Variants in NFIC observed in about 807,000 individuals in gnomAD.
NFIC encodes the protein nuclear factor 1 C-type.
In NFIC, 12 loss-of-function variants were observed where a neutral mutation model predicts 54.4. The observed-to-expected ratio is 0.22, with a 90% CI of 0.14 to 0.36. The LOEUF is 0.36. Among genes scored for constraint, NFIC ranks in the 10% least tolerant of loss-of-function variants. NFIC has a pLI of 1.00. For synonymous variants in NFIC, 322 were observed against 319.2 expected, an observed-to-expected ratio of 1.01 and a Z score of -0.09; for missense variants, 575 against 718.2, an observed-to-expected ratio of 0.80 and a Z score of 2.28.
rs1460756871 is a variant in NFIC at position 3,448,078 on chromosome 19, GT to G, written c.959-930del. On this transcript the variant is annotated intron_variant, in intron 6 of 10. Transcript: ENST00000443272. ...AGCCCCTGCACCCGACTATCCATCT[GT>G]TTTTTGTGTTTGTGATGGAGTCTTG... Among the ~76,000 whole-genome samples the G allele has an allele frequency of 8.7e-5, 13 of 148,732 alleles. No homozygotes were observed. The Admixed American group carries it at 8.7e-4, about 10-fold the overall frequency.
chr19:3,393,975 C>T (rs532574003), intron 2 of NFIC, among the ~76,000 whole-genome samples: 2 of 151,032 alleles, frequency 1.3e-5, no homozygotes, highest in African/African-American at 4.9e-5. Flanking sequence ...CAGAGTCTCG[C>T]TCTGTCGCCC....
chr19:3,401,799 A>G (rs1278032230), intron 2 of NFIC, among the ~76,000 whole-genome samples: 17 of 149,898 alleles, frequency 1.1e-4, no homozygotes, highest in African/African-American at 3.5e-4. Flanking sequence ...TCAGCTCACT[A>G]CAACCTCTGC....
In NFIC at chr19:3,452,101, C is replaced by CAAA. The variant is rs777727186; in HGVS notation, c.1085-361_1085-359dup. On this transcript the variant is annotated intron_variant, in intron 7 of 10. Coordinates refer to ENST00000443272, the MANE Select transcript of NFIC (RefSeq NM_001245002.2). This position sits in a 1 kb window ranked among gnomAD's most constrained non-coding sequence, Gnocchi z 5.3. ...TGCACTCCAGCCTGGGTGACTGTCT[C>CAAA]AAAAAAAAAAAAAAAAAAAAAAGAC... 2.8e-4 allele frequency among the ~76,000 whole-genome samples: 15 copies of CAAA among 54,504 alleles called. No individual in the cohort carries two copies. The highest frequency in any genetic ancestry group is 6.1e-4 in the African/African-American group (11 of 17,890). The allele number at this position is 54,504 out of a possible 152,430, so 35.8% of individuals were successfully genotyped here.
At chr19:3,415,326 G>A (rs1412689003) in intron 2 of NFIC, among the ~76,000 whole-genome samples, 2 of 150,400 alleles carry the variant, frequency 1.3e-5, no homozygotes, top group East Asian at 3.9e-4. Context: ...TCACCATATT[G>A]TCCAGGCTGG....
intron 10 of NFIC, 35 bp downstream of exon 10, chr19:3,456,670 G>A (rs1213685602): frequency 1.4e-6 from 2 of 1,432,472 alleles, no homozygotes; most frequent in South Asian, 1.3e-5. Context: ...GGGGTGGGAG[G>A]GGCAGGGCAG....
Position 3,429,136 on chromosome 19 carries a change from T to TACACACACAC in NFIC, c.634+3988_634+3997dup, listed in dbSNP as rs57006287. 5.1e-4 allele frequency among the ~76,000 whole-genome samples: 43 copies of TACACACACAC among 83,894 alleles called. 1 individual carries two copies. The highest frequency in any genetic ancestry group is 2.1e-3 in the African/African-American group (42 of 20,274). 55.0% of individuals were successfully genotyped at this position (83,894 alleles called of 152,430 possible). On this transcript the variant is annotated intron_variant, in intron 3 of 10. Coordinates refer to ENST00000443272, the MANE Select transcript of NFIC (RefSeq NM_001245002.2). ...CCTATCTCTACCCAAAAAAAAAATA[T>TACACACACAC]ACACACACACACACACACACACACA...
In NFIC at chr19:3,375,004, C is replaced by T. The variant is rs2081080885; in HGVS notation, c.31-6708C>T. ...CTGGCACCTGTCCCCGGAAAGGGCA[C>T]AGAGAAGGGGAGGAACATAGAGAAG... On this transcript the variant is annotated intron_variant, in intron 1 of 10. Transcript: ENST00000443272. This position sits in a 1 kb window ranked among gnomAD's most constrained non-coding sequence, Gnocchi z 4.6. 6.6e-6 allele frequency among the ~76,000 whole-genome samples: 1 copy of T among 151,516 alleles called. No individual in the cohort carries two copies. The highest frequency in any genetic ancestry group is 6.6e-5 in the Admixed American group (1 of 15,194).
In NFIC at chr19:3,381,966, C is replaced by T; in HGVS notation, c.285C>T (p.Ser95=). The change falls in exon 2 of 11, where the codon AGC becomes AGT. Residue 95 remains serine (S), a synonymous_variant. Transcript: ENST00000443272. ...RPECREDFVL[S]ITGKKAPGCV... is the part of the protein sequence containing the mutation. Reference sequence around the variant, plus strand: ...AGTGCCGCGAGGACTTCGTGCTGAGCATCACCGGCAAGAAGGCGCCGGGCT... The same window carrying T: ...AGTGCCGCGAGGACTTCGTGCTGAGTATCACCGGCAAGAAGGCGCCGGGCT... The T allele has an allele frequency of 6.2e-7, 1 of 1,613,520 alleles. No individual in the cohort carries two copies. The highest frequency in any genetic ancestry group is 8.5e-7 in the Non-Finnish European group (1 of 1,179,924).
At chr19:3,447,549 G>A (rs1247255758) in intron 6 of NFIC, among the ~76,000 whole-genome samples, 3 of 152,170 alleles carry the variant, frequency 2.0e-5, no homozygotes, top group South Asian at 2.1e-4. Flanking sequence ...ACGTTCCCTC[G>A]GAAAGCAGGG....
intron 2 of NFIC, among the ~76,000 whole-genome samples, chr19:3,420,866 G>T (rs1415868249): frequency 6.6e-6 from 1 of 152,094 alleles, no homozygotes; most frequent in Non-Finnish European, 1.5e-5. Flanking sequence ...GGGATTACAG[G>T]TGCCCACCAC....
rs1390298983 is a variant in NFIC, at chr19:3,463,664, G to A, written c.*895G>A. On this transcript the variant is annotated 3_prime_UTR_variant, in exon 11 of 11. Transcript: ENST00000443272. ...CCGGCATAGGAGGCCCCCCCACCTC[G>A]CCCGGCTCACACCCCCAAAGGGAGG... 13 of 795,068 alleles carry A rather than the reference G, an allele frequency of 1.6e-5. No homozygotes were observed. The highest frequency in any genetic ancestry group is 6.3e-5 in the South Asian group (1 of 15,968). The allele number at this position is 795,068 out of a possible 1,614,324, so 49.3% of individuals were successfully genotyped here. A position where few individuals can be genotyped will look rare whatever the true frequency, so the allele number is the denominator to read the frequency against.
At chr19:3,440,540 C>A (rs1014540819) in intron 6 of NFIC, among the ~76,000 whole-genome samples, 1 of 151,832 alleles carries the variant, frequency 6.6e-6, no homozygotes, top group East Asian at 1.9e-4. Context: ...AAGCGATTCT[C>A]GTGCCTCAGC....
At chr19:3,457,754 GCCT>G (rs1355932268) in intron 10 of NFIC, 1 of 152,264 alleles carries the variant, frequency 6.6e-6, no homozygotes, top group East Asian at 1.9e-4. Context: ...GGGTCACGGG[GCCT>G]CCCCGGGACC....
intron 2 of NFIC, among the ~76,000 whole-genome samples, chr19:3,401,733 C>T (rs201364233): frequency 1.2e-4 from 13 of 109,772 alleles, no homozygotes; most frequent in African/African-American, 1.3e-4. Flanking sequence ...TTTTTTTTCT[C>T]TTTTTTTAGA....
intron 2 of NFIC, among the ~76,000 whole-genome samples, chr19:3,420,556 A>AAAATAAATAAATAAAT (rs374927099): frequency 0.17 from 24,417 of 142,390 alleles, 2,279 homozygotes; most frequent in East Asian, 0.23. Flanking sequence ...CCATCTCAAA[A>AAAATAAATAAATAAAT]AAATAAATAA....
intron 2 of NFIC, among the ~76,000 whole-genome samples, chr19:3,400,524 C>T (rs1470496947): frequency 1.3e-5 from 2 of 151,760 alleles, no homozygotes; most frequent in South Asian, 4.2e-4. Flanking sequence ...TTGGTTCAGG[C>T]GATGGGCAAA....
intron 2 of NFIC, among the ~76,000 whole-genome samples, chr19:3,398,670 C>T (rs1020561516): frequency 1.3e-5 from 2 of 151,894 alleles, no homozygotes; most frequent in Admixed American, 6.5e-5. Context: ...CGGGTGGCTA[C>T]GACGCTCCCG....
chr19:3,435,985 C>T (rs918088292), intron 6 of NFIC, among the ~76,000 whole-genome samples: 13 of 152,012 alleles, frequency 8.6e-5, no homozygotes, highest in Admixed American at 6.6e-5. Context: ...CACCACCATG[C>T]CCGGCTAATT....
Position 3,453,171 on chromosome 19 carries a change from C to T in NFIC, c.1269+505C>T, listed in dbSNP as rs1289801071. The stretch of plus-strand genomic sequence containing the variant: ...GGAGGATCGCTTGAACCTGGGAGGT[C>T]GAGGCTGCTGTGAGCTGTGATTGTG... On this transcript the variant is annotated intron_variant, in intron 8 of 10. Coordinates refer to ENST00000443272, the MANE Select transcript of NFIC (RefSeq NM_001245002.2). This position sits in a 1 kb window ranked among gnomAD's most constrained non-coding sequence, Gnocchi z 6.7. Among the ~76,000 whole-genome samples, 1 of 151,968 alleles carries T rather than the reference C, an allele frequency of 6.6e-6. No homozygotes were observed. Among genetic ancestry groups the T allele is most frequent in the East Asian group, 1.9e-4 (1 of 5,182 alleles).
Sources: gnomAD v4.1 joint callset for allele counts (sites outside exome capture counted in the v4.1 genomes callset) on GRCh38, gnomAD v4.1.1 for gene constraint, Gnocchi (gnomAD v3.1) non-coding constraint, MANE v1.5 for transcripts, NCBI Gene and HGNC (gene_info 2026-07-23, HGNC 2026-07-21) for gene names.